Variants in ZDHHC19 observed in about 807,000 individuals in gnomAD.
The protein encoded by ZDHHC19 is zDHHC palmitoyltransferase 19, also known as palmitoyltransferase ZDHHC19.
ZDHHC19 carries 30 observed loss-of-function variants against 33.9 expected under a neutral mutation model. The ratio of observed to expected loss-of-function variants is 0.88; its 90% CI spans 0.66 to 1.20. The LOEUF (loss-of-function observed/expected upper bound fraction) is 1.20. ZDHHC19 is among the 50% of genes most tolerant of loss of function. The pLI is 0.00. For missense variants in ZDHHC19, 364 were observed against 401.1 expected, an observed-to-expected ratio of 0.91 and a Z score of 0.79; for synonymous variants, 178 against 167.6, an observed-to-expected ratio of 1.06 and a Z score of -0.48.
intron 5 of ZDHHC19, among the ~76,000 whole-genome samples, chr3:196,206,926 C>A (rs80170877): frequency 0.011 from 1,639 of 152,126 alleles, 40 homozygotes; most frequent in African/African-American, 0.037. Flanking sequence ...TGAGTTTTTG[C>A]AAAGGTGTCC....
rs368096277 is a variant in ZDHHC19 at position 196,200,039 on chromosome 3, G to A, written c.688-1165C>T. On this transcript the variant is annotated intron_variant, in intron 5 of 7. Coordinates refer to ENST00000296326, the MANE Select transcript of ZDHHC19 (RefSeq NM_001039617.2). ...GCATGGTGATTGGCACCTGTAATCC[G>A]AGTGTTTTGGGAGGTGGAGAAGGGA... is the stretch of plus-strand genomic sequence containing the variant. Among the ~76,000 whole-genome samples, 7 of 151,754 alleles carry A rather than the reference G, an allele frequency of 4.6e-5. No homozygotes were observed. The South Asian group carries it at 6.2e-4, about 14-fold the overall frequency.
chr3:196,208,312 C>T lies in ZDHHC19; in HGVS notation c.581+76G>A, dbSNP rs115694553. ...GGCGGCTTCTCCCTCTAGCCCCGCC[C>T]CCATAGCCCCGCCCTCTGCAGCCCC... is the stretch of plus-strand genomic sequence containing the variant. On this transcript the variant is annotated intron_variant, in intron 4 of 7. Transcript: ENST00000296326. The T allele has an allele frequency of 3.3e-3, 4,743 of 1,431,992 alleles. 150 individuals carry two copies. In the African/African-American group the frequency reaches 0.06, roughly 18 times the overall value. The allele number at this position is 1,431,992 out of a possible 1,614,324, so 88.7% of individuals were successfully genotyped here.
At chr3:196,198,643 C>T in intron 6 of ZDHHC19, 146 bp downstream of exon 6, 1 of 1,557,950 alleles carries the variant, frequency 6.4e-7, no homozygotes, top group Non-Finnish European at 8.7e-7. Flanking sequence ...TAGGGAGGCC[C>T]CAGAGCTCCC....
intron 5 of ZDHHC19, among the ~76,000 whole-genome samples, chr3:196,204,670 G>A (rs112059278): frequency 0.016 from 2,489 of 152,258 alleles, 59 homozygotes; most frequent in African/African-American, 0.05. Flanking sequence ...CACTACACAT[G>A]TCTTATACCG....
chr3:196,209,512 GAGCC>G lies in ZDHHC19; in HGVS notation c.269-1_271del, dbSNP rs1723044476. 6.2e-7 allele frequency: 1 copy of G among 1,612,574 alleles called. No individual in the cohort carries two copies. The highest frequency in any genetic ancestry group is 1.7e-5 in the Admixed American group (1 of 59,880). On this transcript the variant is annotated splice_acceptor_variant and coding_sequence_variant, in exon 3 of 8. Coordinates refer to ENST00000296326, the MANE Select transcript of ZDHHC19 (RefSeq NM_001039617.2). LOFTEE classifies it high-confidence loss of function. ...CACCGTCAAGGGGCCCTGCTCAGCG[GAGCC>G]TGGCGTGGGAAGAGGATTGGGCACA...
intron 5 of ZDHHC19, 83 bp from the exon 6 acceptor site, chr3:196,198,957 G>T: frequency 7.0e-7 from 1 of 1,430,736 alleles, no homozygotes; most frequent in Non-Finnish European, 9.8e-7. Context: ...CCCTGAGCTG[G>T]TCAGCTAGCC....
Position 196,198,854 on chromosome 3 carries a change from G to A in ZDHHC19, c.708C>T (p.Tyr236=), listed in dbSNP as rs1722014384. The A allele has an allele frequency of 1.2e-6, 2 of 1,614,052 alleles. No individual in the cohort carries two copies. The highest frequency in any genetic ancestry group is 1.1e-5 in the South Asian group (1 of 91,074). The part of the protein sequence containing the change: ...YKGKCRHLQG[Y]NPFDQGCASN... ...TGGCACAGCCCTGGTCGAAGGGGTT[G>A]TATCCCTGAAGGTGTCTGCACTGGT... Residue 236 remains tyrosine (Y), a synonymous_variant, in exon 6 of 8, where the codon TAC becomes TAT. Transcript: ENST00000296326.
chr3:196,201,135 C>T (rs969738376), intron 5 of ZDHHC19, among the ~76,000 whole-genome samples: 6 of 151,514 alleles, frequency 4.0e-5, no homozygotes, highest in Non-Finnish European at 7.4e-5. Flanking sequence ...TGCAGTGGCA[C>T]GATCTTGGCT....
chr3:196,201,814 G>A (rs891616323), intron 5 of ZDHHC19, among the ~76,000 whole-genome samples: 7 of 152,164 alleles, frequency 4.6e-5, no homozygotes, highest in African/African-American at 1.7e-4. Context: ...CTCCGATTCT[G>A]TGTCTGAAAC....
chr3:196,205,533 G>A (rs889940770), intron 5 of ZDHHC19, among the ~76,000 whole-genome samples: 6 of 152,196 alleles, frequency 3.9e-5, no homozygotes, highest in Admixed American at 3.9e-4. Flanking sequence ...TGGGTGGGAT[G>A]GACCTGTTCT....
intron 3 of ZDHHC19, 79 bp from the exon 4 acceptor site, chr3:196,208,639 C>T (rs1722978409): frequency 6.6e-7 from 1 of 1,516,218 alleles, no homozygotes; most frequent in African/African-American, 1.4e-5. Context: ...CTGAGGCCCT[C>T]CCCCTGCCTT....
At chr3:196,200,651 GC>G (rs1344530820) in intron 5 of ZDHHC19, among the ~76,000 whole-genome samples, 1 of 135,222 alleles carries the variant, frequency 7.4e-6, no homozygotes, top group Non-Finnish European at 1.6e-5. Flanking sequence ...ACCACGCCTG[GC>G]CTTTTTTTTT....
chr3:196,198,163 C>A (rs986448446), intron 7 of ZDHHC19, 113 bp downstream of exon 7: 6 of 1,065,064 alleles, frequency 5.6e-6, no homozygotes, highest in Non-Finnish European at 7.4e-6. Context: ...AAGCTCGGAG[C>A]GCTCCAGCTT....
intron 5 of ZDHHC19, among the ~76,000 whole-genome samples, chr3:196,200,623 G>C (rs1415419777): frequency 2.7e-5 from 4 of 148,972 alleles, no homozygotes; most frequent in Non-Finnish European, 5.9e-5. Context: ...CAAAGTGCTG[G>C]GATTACAAGC....
At chr3:196,207,637 GC>G (rs1394827013) in intron 4 of ZDHHC19, 134 bp from the exon 5 acceptor site, 3 of 41,566 alleles carry the variant, frequency 7.2e-5, no homozygotes, top group Non-Finnish European at 1.0e-4. Context: ...GCCCCGCCCC[GC>G]CCCTGGCCCC....
At chr3:196,204,932 C>T (rs965556669) in intron 5 of ZDHHC19, among the ~76,000 whole-genome samples, 3 of 152,186 alleles carry the variant, frequency 2.0e-5, no homozygotes, top group Admixed American at 6.5e-5. Flanking sequence ...CATGGTGAAC[C>T]CCATCTCTAC....
intron 2 of ZDHHC19, among the ~76,000 whole-genome samples, chr3:196,209,918 G>A (rs4916508): frequency 0.52 from 78,643 of 151,900 alleles, 20,643 homozygotes; most frequent in Non-Finnish European, 0.55. Context: ...AGGGCCGGGC[G>A]CGGGGGCTCA....
chr3:196,200,455 C>T (rs1215592038), intron 5 of ZDHHC19, among the ~76,000 whole-genome samples: 12 of 146,732 alleles, frequency 8.2e-5, no homozygotes, highest in African/African-American at 2.0e-4. Flanking sequence ...CCCAGGTTCA[C>T]GCCATTCTCC....
Position 196,207,521 on chromosome 3 carries a change from C to T in ZDHHC19, c.582-18G>A. The T allele has an allele frequency of 2.0e-6, 3 of 1,536,080 alleles. No individual in the cohort carries two copies. The highest frequency in any genetic ancestry group is 1.8e-6 in the Non-Finnish European group (2 of 1,140,530). On this transcript the variant is annotated intron_variant, in intron 4 of 7. Coordinates refer to ENST00000296326, the MANE Select transcript of ZDHHC19 (RefSeq NM_001039617.2). Reference sequence around the variant, plus strand: ...CCACGATGCTGCGCGGGTTAAGGAACCGGGCTGCGGGACCCCCACGCCTGG... The same window carrying T: ...CCACGATGCTGCGCGGGTTAAGGAATCGGGCTGCGGGACCCCCACGCCTGG...
Sources: allele counts gnomAD v4.1 joint callset (sites outside exome capture counted in the v4.1 genomes callset), GRCh38; gene constraint gnomAD v4.1.1; transcripts MANE v1.5; gene names NCBI Gene and HGNC (gene_info 2026-07-23, HGNC 2026-07-21).